KCNK2: variants seen among roughly 807,000 people sequenced by gnomAD.
KCNK2 encodes the protein potassium two pore domain channel subfamily K member 2.
KCNK2 carries 21 observed loss-of-function variants against 40.5 expected under a neutral mutation model. That is an observed-to-expected ratio of 0.52 (90% CI 0.37 to 0.75). The LOEUF (loss-of-function observed/expected upper bound fraction) is 0.75, where lower values mean the gene tolerates loss of function less well. Ranked by LOEUF, KCNK2 falls within the 30% of genes least tolerant of loss-of-function variation. The pLI is 0.00. For missense variants in KCNK2, 399 were observed against 531.6 expected (o/e 0.75, Z 2.45); for synonymous variants, 191 against 202.2 (o/e 0.94, Z 0.47).
At chr1:215,121,328 C>T (rs1331634487) in intron 2 of KCNK2, among the ~76,000 whole-genome samples, 5 of 152,154 alleles carry the variant, frequency 3.3e-5, no homozygotes, top group Admixed American at 6.6e-5. Context: ...TGCTCTGTCA[C>T]CCAGGCTGGA....
intron 6 of KCNK2, among the ~76,000 whole-genome samples, chr1:215,230,209 T>C (rs1450635211): frequency 6.7e-6 from 1 of 149,462 alleles, no homozygotes; most frequent in African/African-American, 2.5e-5. Context: ...GCCAACATCA[T>C]AGAGTGCGCT....
rs149391313 is a variant in KCNK2, at chr1:215,190,578, C to T, written c.824-4375C>T. On this transcript the variant is annotated intron_variant, in intron 5 of 6. Transcript: ENST00000444842. ...TTTCTCTACTGAGATTGTGATATCT[C>T]CATTTTAAAGTGGGATACTTACTGT... 3.9e-3 allele frequency among the ~76,000 whole-genome samples: 595 copies of T among 152,220 alleles called. 5 individuals carry two copies. Among genetic ancestry groups the T allele is most frequent in the African/African-American group, 0.014 (567 of 41,544 alleles).
At chr1:215,108,575 G>T (rs1660540792) in intron 2 of KCNK2, among the ~76,000 whole-genome samples, 1 of 152,042 alleles carries the variant, frequency 6.6e-6, no homozygotes, top group African/African-American at 2.4e-5. Flanking sequence ...TCATATCCAT[G>T]AAATCATTGC....
chr1:215,229,697 T>A (rs1571755591), intron 6 of KCNK2, among the ~76,000 whole-genome samples: 1 of 152,076 alleles, frequency 6.6e-6, no homozygotes, highest in East Asian at 1.9e-4. Context: ...AAAAAGATTT[T>A]GTTTTTAAAA....
At chr1:215,008,605 A>G (rs770649981) in intron 1 of KCNK2, among the ~76,000 whole-genome samples, 3 of 152,130 alleles carry the variant, frequency 2.0e-5, no homozygotes, top group Non-Finnish European at 4.4e-5. Context: ...AAATGAGATA[A>G]TTAATGTCAA....
chr1:215,131,012 C>T lies in KCNK2; in HGVS notation c.475+6262C>T, dbSNP rs547220427. Reference sequence around the variant, plus strand: ...AGTAGCTGGGACTACAGGCGCCCGCCACTGCGCCCGGCTAATTTTTTGTAT... The same window carrying T: ...AGTAGCTGGGACTACAGGCGCCCGCTACTGCGCCCGGCTAATTTTTTGTAT... On this transcript the variant is annotated intron_variant, in intron 3 of 6. Transcript: ENST00000444842. Among the ~76,000 whole-genome samples, 452 of 151,500 alleles carry T rather than the reference C, an allele frequency of 3.0e-3. 1 individual carries two copies. The highest frequency in any genetic ancestry group is 0.01 in the African/African-American group (434 of 41,416).
intron 5 of KCNK2, among the ~76,000 whole-genome samples, chr1:215,179,569 C>T (rs1038443661): frequency 6.6e-6 from 1 of 151,818 alleles, no homozygotes; most frequent in African/African-American, 2.4e-5. Flanking sequence ...TTTCTGTTTT[C>T]ATTTATCTCA....
intron 1 of KCNK2, among the ~76,000 whole-genome samples, chr1:215,052,297 G>A (rs1300778739): frequency 6.6e-6 from 1 of 152,140 alleles, no homozygotes; most frequent in East Asian, 1.9e-4. Context: ...TTTTTAAGAA[G>A]AGAAATGACA....
chr1:215,045,003 T>C (rs1657717404), intron 1 of KCNK2, among the ~76,000 whole-genome samples: 1 of 2,978 alleles, frequency 3.4e-4, no homozygotes, highest in African/African-American at 3.7e-4. Context: ...ACCGCGTCTC[T>C]ACTAAAAAAA....
intron 1 of KCNK2, among the ~76,000 whole-genome samples, chr1:215,011,842 G>A (rs1357763833): frequency 7.1e-6 from 1 of 141,388 alleles, no homozygotes. Context: ...TCCTGACCTC[G>A]TGATCCACCC....
At chr1:215,084,547 G>T (rs1659345473) in intron 1 of KCNK2, among the ~76,000 whole-genome samples, 1 of 152,168 alleles carries the variant, frequency 6.6e-6, no homozygotes, top group Non-Finnish European at 1.5e-5. Context: ...AGGTTGTGGG[G>T]AGTCTGCAGA....
chr1:215,208,974 C>G (rs1338852595), intron 6 of KCNK2, among the ~76,000 whole-genome samples: 1 of 151,530 alleles, frequency 6.6e-6, no homozygotes, highest in African/African-American at 2.4e-5. Flanking sequence ...ATTACAGACA[C>G]CTGCCACCAC....
rs1466478340 is a variant in KCNK2 at position 215,135,554 on chromosome 1, AC to A, written c.475+10808del. 3.3e-5 allele frequency among the ~76,000 whole-genome samples: 5 copies of A among 151,632 alleles called. No individual in the cohort carries two copies. The South Asian group carries it at 1.0e-3, about 32-fold the overall frequency. On this transcript the variant is annotated intron_variant, in intron 3 of 6. Coordinates refer to ENST00000444842, the MANE Select transcript of KCNK2 (RefSeq NM_001017425.3). ...ATTGTTTCTTATAGCTTTAATTCAT[AC>A]CCCTAATTTTTATAATATAAAAATT...
intron 1 of KCNK2, among the ~76,000 whole-genome samples, chr1:215,039,284 C>G (rs921563487): frequency 7.2e-5 from 11 of 152,094 alleles, no homozygotes; most frequent in Admixed American, 2.0e-4. Context: ...ATATACTCCT[C>G]TTTTAACAAG....
intron 3 of KCNK2, among the ~76,000 whole-genome samples, chr1:215,158,987 T>G (rs1028978665): frequency 6.6e-6 from 1 of 152,118 alleles, no homozygotes; most frequent in African/African-American, 2.4e-5. Context: ...TCTTGGATCA[T>G]GTACAGAAAT....
intron 1 of KCNK2, among the ~76,000 whole-genome samples, chr1:215,025,954 CA>C (rs2102481746): frequency 6.6e-6 from 1 of 152,086 alleles, no homozygotes; most frequent in African/African-American, 2.4e-5. Flanking sequence ...AAAGCTGTAC[CA>C]ATTTACATTT....
intron 3 of KCNK2, among the ~76,000 whole-genome samples, chr1:215,125,304 G>A (rs1057388571): frequency 6.6e-6 from 1 of 152,010 alleles, no homozygotes; most frequent in Non-Finnish European, 1.5e-5. Flanking sequence ...AAGTATGAAA[G>A]TTTAGACCCC....
intron 5 of KCNK2, among the ~76,000 whole-genome samples, chr1:215,175,640 GC>G (rs1450482564): frequency 6.6e-6 from 1 of 151,918 alleles, no homozygotes; most frequent in Admixed American, 6.6e-5. Context: ...TTCAACCCTT[GC>G]CCCCTTCCCT....
intron 2 of KCNK2, among the ~76,000 whole-genome samples, chr1:215,105,034 TA>T (rs1294087727): frequency 6.6e-6 from 1 of 151,972 alleles, no homozygotes; most frequent in Non-Finnish European, 1.5e-5. Flanking sequence ...TGTTCTGTTA[TA>T]TCAGGCACTT....
Sources: gnomAD v4.1 joint callset for allele counts (sites outside exome capture counted in the v4.1 genomes callset) on GRCh38, gnomAD v4.1.1 for gene constraint, MANE v1.5 for transcripts, NCBI Gene and HGNC (gene_info 2026-07-23, HGNC 2026-07-21) for gene names.